Variants in SEC24D observed in about 807,000 individuals in gnomAD.
SEC24D encodes protein transport protein Sec24D.
Under a neutral mutation model 116.9 loss-of-function variants are expected in SEC24D, and 69 were observed. The observed-to-expected ratio is 0.59, with a 90% CI of 0.49 to 0.72. The LOEUF is 0.72. Ranked by LOEUF, SEC24D falls within the 30% of genes least tolerant of loss-of-function variation. The probability of loss-of-function intolerance (pLI) is 0.00; values close to 1 mark genes in which losing one functional copy is unlikely to be tolerated. For synonymous variants in SEC24D, 405 were observed against 442.8 expected (o/e 0.91, Z 1.07); for missense variants, 1,131 against 1,264.1 (o/e 0.89, Z 1.60).
chr4:118,825,726 G>C, intron 2 of SEC24D: 1 of 387,344 alleles, frequency 2.6e-6, no homozygotes, highest in Non-Finnish European at 4.9e-6. Context: ...TCTATCTGCT[G>C]TCTCCACTTG....
At chr4:118,792,006 G>A (rs908870507) in intron 8 of SEC24D, among the ~76,000 whole-genome samples, 5 of 149,048 alleles carry the variant, frequency 3.4e-5, no homozygotes, top group African/African-American at 1.0e-4. Flanking sequence ...AGTGAGAAGC[G>A]CCTCTTCCCG....
chr4:118,753,941 T>G (rs1726958595), intron 11 of SEC24D: 1 of 152,176 alleles, frequency 6.6e-6, no homozygotes, highest in African/African-American at 2.4e-5. Context: ...GCATACGGCC[T>G]AAAGAGTTAC....
intron 8 of SEC24D, among the ~76,000 whole-genome samples, chr4:118,773,917 G>T (rs1728022603): frequency 6.6e-6 from 1 of 151,968 alleles, no homozygotes; most frequent in Admixed American, 6.6e-5. Flanking sequence ...ATTCTATTTA[G>T]AATTTTTTAA....
At position 118,817,334 on chromosome 4, in the gene SEC24D, T is replaced by C; in HGVS notation, c.327A>G (p.Pro109=). The C allele has an allele frequency of 6.2e-7, 1 of 1,613,902 alleles. No homozygotes were observed. Among genetic ancestry groups the C allele is most frequent in the Non-Finnish European group, 8.5e-7 (1 of 1,179,856 alleles). The change falls in exon 4 of 23, where the codon CCA becomes CCG. Residue 109 remains proline (P), a synonymous_variant. Transcript: ENST00000280551. Reference sequence around the variant, plus strand: ...TGACAGATGAAGTGGATATAGGACCTGGATAAGAAGATTGTGCAGAGGGTT... The same window carrying C: ...TGACAGATGAAGTGGATATAGGACCCGGATAAGAAGATTGTGCAGAGGGTT... The part of the protein sequence containing the change: ...PYQPSAQSSY[P]GPISTSSVTQ...
At chr4:118,815,763 C>T (rs760288761) in intron 4 of SEC24D, 37 bp from the exon 5 acceptor site, 1 of 1,605,036 alleles carries the variant, frequency 6.2e-7, no homozygotes, top group Non-Finnish European at 8.5e-7. Flanking sequence ...TTAAATACCA[C>T]ATTTCTCAAC....
intron 8 of SEC24D, among the ~76,000 whole-genome samples, chr4:118,796,045 A>T (rs1360316866): frequency 6.6e-6 from 1 of 152,212 alleles, no homozygotes; most frequent in Non-Finnish European, 1.5e-5. Context: ...TTTGAAATTG[A>T]TCAGAATAAA....
intron 20 of SEC24D, among the ~76,000 whole-genome samples, chr4:118,732,137 A>AATTTT (rs752772212): frequency 2.6e-5 from 4 of 151,754 alleles, no homozygotes; most frequent in Non-Finnish European, 4.4e-5. Flanking sequence ...ACGAGCTGAC[A>AATTTT]ATTTTATTTT....
chr4:118,765,818 T>C (rs917944307), intron 9 of SEC24D, among the ~76,000 whole-genome samples: 4 of 142,886 alleles, frequency 2.8e-5, no homozygotes, highest in Non-Finnish European at 6.4e-5. Flanking sequence ...TTTCTGAGGT[T>C]GTTCTTTTTT....
At chr4:118,747,525 C>G (rs1178533170) in intron 13 of SEC24D, among the ~76,000 whole-genome samples, 1 of 152,044 alleles carries the variant, frequency 6.6e-6, no homozygotes, top group Non-Finnish European at 1.5e-5. Flanking sequence ...CTTGGCCTCC[C>G]AAAGTGCTGG....
intron 8 of SEC24D, among the ~76,000 whole-genome samples, chr4:118,787,595 T>C (rs1422894916): frequency 6.6e-6 from 1 of 152,172 alleles, no homozygotes; most frequent in Non-Finnish European, 1.5e-5. Flanking sequence ...GGTGGACTGC[T>C]TGAGCTAGGA....
chr4:118,733,338 G>A (rs576287168), intron 19 of SEC24D: 5 of 154,708 alleles, frequency 3.2e-5, no homozygotes, highest in African/African-American at 1.2e-4. Context: ...ATAGTGCCTA[G>A]CACATAGGAT....
intron 13 of SEC24D, among the ~76,000 whole-genome samples, chr4:118,746,377 C>T (rs370019005): frequency 6.6e-6 from 1 of 152,018 alleles, no homozygotes; most frequent in Non-Finnish European, 1.5e-5. Flanking sequence ...CTGTGCCAGG[C>T]TCTTCACATG....
chr4:118,743,343 C>CTATATA (rs529375146), intron 15 of SEC24D, among the ~76,000 whole-genome samples: 1 of 121,422 alleles, frequency 8.2e-6, no homozygotes, highest in African/African-American at 2.5e-5. Flanking sequence ...TATATGGTTC[C>CTATATA]TATATATATA....
rs1470207322 is a variant in SEC24D, at chr4:118,740,651, A to G, written c.2238+12T>C. On this transcript the variant is annotated intron_variant, in intron 17 of 22. Coordinates refer to ENST00000280551, the MANE Select transcript of SEC24D (RefSeq NM_014822.4). ...CTAAAATAACGAAAGGTGGGAATAC[A>G]CTTTCAATCACCTGGATTAAGGCTC... 9 of 1,612,886 alleles carry G rather than the reference A, an allele frequency of 5.6e-6. No homozygotes were observed. The highest frequency in any genetic ancestry group is 5.0e-5 in the Admixed American group (3 of 59,904).
At chr4:118,819,685 A>G (rs1350226094) in intron 3 of SEC24D, among the ~76,000 whole-genome samples, 3 of 152,130 alleles carry the variant, frequency 2.0e-5, no homozygotes, top group Admixed American at 6.6e-5. Flanking sequence ...GGGATGTTGC[A>G]TTTATATGGA....
chr4:118,824,695 G>A lies in SEC24D; in HGVS notation c.173C>T (p.Pro58Leu). Residue 58 changes from proline (P) to leucine (L), a missense_variant, in exon 3 of 23, where the codon CCT becomes CTT. Physicochemically the swap from Pro to Leu is moderately conservative, Grantham distance 98. Transcript: ENST00000280551. ...LGATATRGMLPPGPPPPGPHQ... is the reference protein window; with the variant it reads ...LGATATRGMLLPGPPPPGPHQ... Reference sequence around the variant, plus strand: ...GGGTCCAGGAGGTGGGGGACCCGGAGGCAACATTCCCCTAGTGGCGGTGGC... The same window carrying A: ...GGGTCCAGGAGGTGGGGGACCCGGAAGCAACATTCCCCTAGTGGCGGTGGC... The A allele has an allele frequency of 6.2e-7, 1 of 1,608,538 alleles. No individual in the cohort carries two copies. The highest frequency in any genetic ancestry group is 2.2e-5 in the East Asian group (1 of 44,526).
At chr4:118,793,631 C>A (rs1256425878) in intron 8 of SEC24D, among the ~76,000 whole-genome samples, 1 of 152,210 alleles carries the variant, frequency 6.6e-6, no homozygotes, top group Non-Finnish European at 1.5e-5. Context: ...TTTTTGGGCA[C>A]ATGCCCCTGA....
intron 8 of SEC24D, among the ~76,000 whole-genome samples, chr4:118,771,715 T>C (rs1468983880): frequency 6.6e-6 from 1 of 152,156 alleles, no homozygotes; most frequent in Non-Finnish European, 1.5e-5. Context: ...GAAGCAGACA[T>C]CAAGATGTAT....
intron 13 of SEC24D, among the ~76,000 whole-genome samples, chr4:118,748,835 T>C (rs1726674462): frequency 6.6e-6 from 1 of 152,134 alleles, no homozygotes; most frequent in South Asian, 2.1e-4. Context: ...CCAACCCCCA[T>C]TGAGACTACC....
Sources: allele counts gnomAD v4.1 joint callset (sites outside exome capture counted in the v4.1 genomes callset), GRCh38; gene constraint gnomAD v4.1.1; transcripts MANE v1.5; gene names NCBI Gene and HGNC (gene_info 2026-07-23, HGNC 2026-07-21).